SHOC2: variants seen among roughly 807,000 people sequenced by gnomAD.
The protein encoded by SHOC2 is SHOC2 leucine rich repeat scaffold protein, also known as leucine-rich repeat protein SHOC-2.
A neutral mutation model predicts 50.2 loss-of-function variants in SHOC2; 4 were observed. The observed-to-expected ratio is 0.08, with a 90% CI of 0.04 to 0.18. The LOEUF is 0.18. Ranked by LOEUF, SHOC2 falls within the 10% of genes least tolerant of loss-of-function variation. The pLI is 1.00. For synonymous variants in SHOC2, 218 were observed against 244.5 expected (o/e 0.89, Z 1.01); for missense variants, 388 against 669.6 (o/e 0.58, Z 4.64).
intron 1 of SHOC2, among the ~76,000 whole-genome samples, chr10:110,956,135 G>A (rs1388061571): frequency 2.0e-5 from 3 of 152,158 alleles, no homozygotes; most frequent in East Asian, 1.9e-4. Context: ...GTATCTGCAT[G>A]TGCCTAATTG....
chr10:110,952,241 G>A (rs939552805), intron 1 of SHOC2, among the ~76,000 whole-genome samples: 1 of 152,032 alleles, frequency 6.6e-6, no homozygotes, highest in Middle Eastern at 3.2e-3. Flanking sequence ...TAGCAAAATT[G>A]AGTTGGAAGT....
chr10:110,961,834 C>T (rs1200698821), intron 1 of SHOC2, among the ~76,000 whole-genome samples: 3 of 151,954 alleles, frequency 2.0e-5, no homozygotes, highest in Non-Finnish European at 4.4e-5. Flanking sequence ...CACCCATTAC[C>T]TTCAACCTTC....
intron 8 of SHOC2, 66 bp downstream of exon 8, chr10:111,009,896 C>G (rs939210816): frequency 6.8e-6 from 6 of 877,582 alleles, no homozygotes; most frequent in African/African-American, 3.3e-5. Context: ...AGCAATATTT[C>G]AGATAAATAT....
Position 110,930,811 on chromosome 10 carries a change from G to A in SHOC2, c.-235+11154G>A, listed in dbSNP as rs916568829. Among the ~76,000 whole-genome samples, 4 of 133,464 alleles carry A rather than the reference G, an allele frequency of 3.0e-5. No homozygotes were observed. In the East Asian group the frequency reaches 9.4e-4, roughly 31 times the overall value. 87.6% of individuals were successfully genotyped at this position (133,464 alleles called of 152,430 possible). A position where few individuals can be genotyped will look rare whatever the true frequency, so the allele number is the denominator to read the frequency against. On this transcript the variant is annotated intron_variant, in intron 1 of 8. Coordinates refer to ENST00000369452, the MANE Select transcript of SHOC2 (RefSeq NM_007373.4). ...AATGTTTGGTCATTTACCATTTGAC[G>A]TTTACCATTATATCTTAGTACTTTT...
intron 8 of SHOC2, 26 bp downstream of exon 8, chr10:111,009,856 C>G (rs769069934): frequency 2.5e-6 from 3 of 1,186,290 alleles, no homozygotes; most frequent in Non-Finnish European, 3.8e-6. Context: ...ATGCTTGACT[C>G]TGTACTAATA....
intron 3 of SHOC2, among the ~76,000 whole-genome samples, chr10:110,987,046 G>C (rs1848092030): frequency 6.6e-6 from 1 of 152,138 alleles, no homozygotes; most frequent in African/African-American, 2.4e-5. Context: ...TTGATGACTA[G>C]AGTCCCCACC....
intron 4 of SHOC2, among the ~76,000 whole-genome samples, chr10:111,003,450 TAGAG>T (rs1003633684): frequency 2.0e-5 from 3 of 152,206 alleles, no homozygotes; most frequent in African/African-American, 7.2e-5. Flanking sequence ...TGAATTTAAA[TAGAG>T]AAAGGACTTA....
At chr10:110,938,903 A>G (rs1410806551) in intron 1 of SHOC2, among the ~76,000 whole-genome samples, 1 of 152,224 alleles carries the variant, frequency 6.6e-6, no homozygotes, top group Admixed American at 6.5e-5. Context: ...TATAATCAGA[A>G]CATTTAACTG....
intron 3 of SHOC2, among the ~76,000 whole-genome samples, chr10:110,990,156 C>T (rs1211916061): frequency 5.3e-5 from 8 of 152,256 alleles, no homozygotes; most frequent in Admixed American, 1.3e-4. Flanking sequence ...GAGCGCATGG[C>T]GCGGGACTGG....
At chr10:110,932,059 C>G (rs886781642) in intron 1 of SHOC2, among the ~76,000 whole-genome samples, 1 of 152,134 alleles carries the variant, frequency 6.6e-6, no homozygotes, top group Non-Finnish European at 1.5e-5. Context: ...GACCTCTAAG[C>G]TGAGGTCTGA....
intron 3 of SHOC2, among the ~76,000 whole-genome samples, chr10:110,996,450 C>T (rs1590827900): frequency 6.6e-6 from 1 of 151,428 alleles, no homozygotes; most frequent in Non-Finnish European, 1.5e-5. Flanking sequence ...TCACCTTAGG[C>T]CAGGGAGTTT....
rs370993310 is a variant in SHOC2 at position 110,965,778 on chromosome 10, G to C, written c.703+717G>C. On this transcript the variant is annotated intron_variant, in intron 2 of 8. Coordinates refer to ENST00000369452, the MANE Select transcript of SHOC2 (RefSeq NM_007373.4). Reference sequence around the variant, plus strand: ...AAAAAAATAGGGAATATAAACGCGTGAACATGTCAGTAAAAAATTAAAAAT... The same window carrying C: ...AAAAAAATAGGGAATATAAACGCGTCAACATGTCAGTAAAAAATTAAAAAT... Among the ~76,000 whole-genome samples, 485 of 152,190 alleles carry C rather than the reference G, an allele frequency of 3.2e-3. 26 individuals carry two copies. In the South Asian group the frequency reaches 0.093, roughly 29 times the overall value.
At chr10:110,961,274 G>C (rs537607138) in intron 1 of SHOC2, among the ~76,000 whole-genome samples, 184 of 152,258 alleles carry the variant, frequency 1.2e-3, no homozygotes, top group South Asian at 4.4e-3. Context: ...AAACATAGTG[G>C]AGTTGAAGTG....
At chr10:110,930,860 C>G (rs1231955261) in intron 1 of SHOC2, among the ~76,000 whole-genome samples, 1 of 151,516 alleles carries the variant, frequency 6.6e-6, no homozygotes, top group Non-Finnish European at 1.5e-5. Flanking sequence ...CCCCTCTTCC[C>G]TATCCTGCCT....
At chr10:110,923,298 GTGTT>G (rs1407494183) in intron 1 of SHOC2, among the ~76,000 whole-genome samples, 3 of 151,990 alleles carry the variant, frequency 2.0e-5, no homozygotes, top group Non-Finnish European at 2.9e-5. Context: ...GTTCTTAAAA[GTGTT>G]TGTTAATCAT....
intron 1 of SHOC2, among the ~76,000 whole-genome samples, chr10:110,949,184 A>C (rs1456388033): frequency 6.6e-6 from 1 of 152,188 alleles, no homozygotes; most frequent in African/African-American, 2.4e-5. Context: ...TTGTGAAAAG[A>C]AACTGAACTG....
chr10:110,929,646 C>A (rs865985843), intron 1 of SHOC2, among the ~76,000 whole-genome samples: 1 of 152,198 alleles, frequency 6.6e-6, no homozygotes, highest in Admixed American at 6.5e-5. Context: ...CCTGCTGTAT[C>A]TTCAGTTGGC....
chr10:111,013,422 A>G lies in SHOC2; in HGVS notation c.*1604A>G, dbSNP rs1356886424. On this transcript the variant is annotated 3_prime_UTR_variant, in exon 9 of 9. Transcript: ENST00000369452. ...TTGTTCTGCTTTTCCTGGCACTCAA[A>G]TTCATGACTAGTTTTGAGGTCAAAC... 6.6e-6 allele frequency: 1 copy of G among 152,054 alleles called. No homozygotes were observed. The highest frequency in any genetic ancestry group is 2.4e-5 in the African/African-American group (1 of 41,410). 9.4% of individuals were successfully genotyped at this position (152,054 alleles called of 1,614,324 possible).
At chr10:110,975,456 A>G (rs1205563941) in intron 2 of SHOC2, among the ~76,000 whole-genome samples, 1 of 152,156 alleles carries the variant, frequency 6.6e-6, no homozygotes, top group East Asian at 1.9e-4. Flanking sequence ...TTACATTTTT[A>G]ATAGTCATGT....
Sources: allele counts gnomAD v4.1 joint callset (sites outside exome capture counted in the v4.1 genomes callset), GRCh38; gene constraint gnomAD v4.1.1; transcripts MANE v1.5; gene names NCBI Gene and HGNC (gene_info 2026-07-23, HGNC 2026-07-21).